The following CCDC7 variants were observed in gnomAD, a reference collection of about 807,000 sequenced individuals.
CCDC7 encodes coiled-coil domain-containing protein 7.
A neutral mutation model predicts 196.9 loss-of-function variants in CCDC7; 183 were observed. That is an observed-to-expected ratio of 0.93 (90% confidence interval 0.82 to 1.05). CCDC7 has a LOEUF of 1.05. CCDC7 is among the 50% of genes least tolerant of loss of function. The pLI is 0.00. For synonymous variants in CCDC7, 525 were observed against 484.6 expected, an observed-to-expected ratio of 1.08 and a Z score of -1.10; for missense variants, 1,540 against 1,482.2, an observed-to-expected ratio of 1.04 and a Z score of -0.64.
chr10:32,632,894 G>A (rs1289465479), intron 18 of CCDC7, among the ~76,000 whole-genome samples: 3 of 152,074 alleles, frequency 2.0e-5, no homozygotes, highest in Non-Finnish European at 4.4e-5. Flanking sequence ...GTATATTTTA[G>A]AGCAACACGT....
intron 18 of CCDC7, chr10:32,623,920 G>T: frequency 2.7e-6 from 1 of 374,032 alleles, no homozygotes. Flanking sequence ...AGGGGATGGT[G>T]CTAAACTGTT....
intron 28 of CCDC7, among the ~76,000 whole-genome samples, chr10:32,752,817 A>C (rs1441194127): frequency 1.3e-5 from 2 of 152,072 alleles, no homozygotes; most frequent in Non-Finnish European, 2.9e-5. Flanking sequence ...GCACCTTCTC[A>C]CTTACCTTGG....
rs2089120972 is a variant in CCDC7 at position 32,817,805 on chromosome 10, C to G, written c.3181+3352C>G. On this transcript the variant is annotated intron_variant, in intron 31 of 41. Transcript: ENST00000639629. ...CAAATGTTGAGAGATTTTGTCACCA[C>G]CAGGCCTGCCCTAAAAGAGCTACTG... 2.0e-5 allele frequency among the ~76,000 whole-genome samples: 3 copies of G among 152,238 alleles called. No individual in the cohort carries two copies. In the South Asian group the frequency reaches 6.2e-4, roughly 32 times the overall value.
intron 20 of CCDC7, 24 bp from the exon 22 acceptor site, chr10:32,664,030 C>A: frequency 2.5e-6 from 1 of 393,510 alleles, no homozygotes; most frequent in South Asian, 1.3e-4. Context: ...ATGTTTAGTG[C>A]ACTAAATTTA....
In CCDC7 at chr10:32,608,130, T is replaced by C. The variant is rs1349441687; in HGVS notation, c.1801+23826T>C. Among the ~76,000 whole-genome samples the C allele has an allele frequency of 2.0e-5, 3 of 152,290 alleles. No homozygotes were observed. In the East Asian group the frequency reaches 5.8e-4, roughly 29 times the overall value. On this transcript the variant is annotated intron_variant, in intron 18 of 41. Transcript: ENST00000639629. ...CATAGTCGTCTCTGATGATCTTTTGTATTTCTCTGGTAACTATTGTAATGT... is the reference window on the plus strand; with the variant it reads ...CATAGTCGTCTCTGATGATCTTTTGCATTTCTCTGGTAACTATTGTAATGT...
At position 32,571,007 on chromosome 10, in the gene CCDC7, T is replaced by C. The variant is rs1490089216; in HGVS notation, c.1420-852T>C. On this transcript the variant is annotated intron_variant, in intron 15 of 41. Coordinates refer to ENST00000639629, the Ensembl canonical transcript of CCDC7. ...AATCACACTTTTAAGGTCACTGGCC[T>C]TTTTTTTTTTTTTTTTGAGAGAGAG... is the stretch of plus-strand genomic sequence containing the variant. 6.0e-3 allele frequency among the ~76,000 whole-genome samples: 8 copies of C among 1,340 alleles called. 2 individuals are homozygous for C. Among genetic ancestry groups the C allele is most frequent in the East Asian group, 0.071 (1 of 14 alleles). 0.9% of individuals were successfully genotyped at this position (1,340 alleles called of 152,430 possible).
chr10:32,592,647 C>T (rs2059890913), intron 18 of CCDC7, among the ~76,000 whole-genome samples: 1 of 151,910 alleles, frequency 6.6e-6, no homozygotes, highest in Non-Finnish European at 1.5e-5. Flanking sequence ...TGTGCTGCAC[C>T]CGTTAACTCG....
chr10:32,684,088 G>GT (rs2076185920), intron 21 of CCDC7, among the ~76,000 whole-genome samples: 1 of 152,094 alleles, frequency 6.6e-6, no homozygotes, highest in Admixed American at 6.5e-5. Flanking sequence ...AAGTGATCAG[G>GT]TTGGGGGGTG....
At chr10:32,501,694 C>T (rs2044067107) in intron 9 of CCDC7, among the ~76,000 whole-genome samples, 1 of 152,208 alleles carries the variant, frequency 6.6e-6, no homozygotes, top group African/African-American at 2.4e-5. Flanking sequence ...AGATTGCTGC[C>T]TGTTCCTCCC....
chr10:32,674,414 T>C (rs912767762), intron 21 of CCDC7, among the ~76,000 whole-genome samples: 1 of 152,134 alleles, frequency 6.6e-6, no homozygotes, highest in African/African-American at 2.4e-5. Context: ...CTTTCATTAC[T>C]GATTTCTAGT....
intron 28 of CCDC7, among the ~76,000 whole-genome samples, chr10:32,733,526 GA>G (rs911852822): frequency 6.6e-6 from 1 of 151,992 alleles, no homozygotes; most frequent in African/African-American, 2.4e-5. Context: ...CAATATCATT[GA>G]TGTATTTTTA....
chr10:32,880,610 C>T (rs907233794), downstream of CCDC7, among the ~76,000 whole-genome samples: 2 of 152,180 alleles, frequency 1.3e-5, no homozygotes, highest in African/African-American at 2.4e-5. Context: ...ATCATGAAAT[C>T]TTTGCCCATG....
intron 18 of CCDC7, among the ~76,000 whole-genome samples, chr10:32,586,347 T>G (rs2059273307): frequency 6.6e-6 from 1 of 152,232 alleles, no homozygotes; most frequent in Non-Finnish European, 1.5e-5. Context: ...TGATGATAGT[T>G]TCTTTTGCTG....
At chr10:32,501,024 AG>A (rs1209927367) in intron 9 of CCDC7, among the ~76,000 whole-genome samples, 2 of 151,814 alleles carry the variant, frequency 1.3e-5, no homozygotes, top group East Asian at 3.9e-4. Flanking sequence ...TCGGCATCAG[AG>A]GGAGACCATG....
chr10:32,668,419 G>A (rs970239619), intron 21 of CCDC7, among the ~76,000 whole-genome samples: 3 of 152,240 alleles, frequency 2.0e-5, no homozygotes, highest in Admixed American at 2.0e-4. Context: ...GGATAGGAGT[G>A]GTGAGAGAGG....
chr10:32,597,114 G>A (rs1256973478), intron 18 of CCDC7, among the ~76,000 whole-genome samples: 1 of 152,206 alleles, frequency 6.6e-6, no homozygotes, highest in Non-Finnish European at 1.5e-5. Context: ...GTATCCTGAA[G>A]AGTGTTTTCC....
intron 40 of CCDC7, among the ~76,000 whole-genome samples, chr10:32,852,979 G>C (rs186718102): frequency 3.3e-5 from 5 of 152,246 alleles, no homozygotes; most frequent in African/African-American, 1.2e-4. Context: ...GATAGGCTAG[G>C]ACTCAAAAGG....
chr10:32,618,597 C>CA (rs1564843044), intron 18 of CCDC7, among the ~76,000 whole-genome samples: 3 of 151,142 alleles, frequency 2.0e-5, no homozygotes, highest in Non-Finnish European at 1.5e-5. Context: ...TGACAGATTT[C>CA]TTTTTTTTTC....
At chr10:32,701,706 G>A (rs1239648799) in intron 24 of CCDC7, among the ~76,000 whole-genome samples, 1 of 152,270 alleles carries the variant, frequency 6.6e-6, no homozygotes, top group Non-Finnish European at 1.5e-5. Context: ...CCTGTTATTG[G>A]TCTATTCAGA....
Sources: gnomAD v4.1 joint callset for allele counts (sites outside exome capture counted in the v4.1 genomes callset) on GRCh38, gnomAD v4.1.1 for gene constraint, MANE v1.5 for transcripts, NCBI Gene and HGNC (gene_info 2026-07-23, HGNC 2026-07-21) for gene names.